Variants in MORC4 observed in about 807,000 individuals in gnomAD.
The protein encoded by MORC4 is MORC family CW-type zinc finger 4.
Under a neutral mutation model 65.5 loss-of-function variants are expected in MORC4, and 22 were observed. That is an observed-to-expected ratio of 0.34 (90% CI 0.24 to 0.48). The LOEUF (loss-of-function observed/expected upper bound fraction) is 0.48. Ranked by LOEUF, MORC4 falls within the 20% of genes least tolerant of loss-of-function variation. The probability of loss-of-function intolerance (pLI) is 0.99; values close to 1 mark genes in which losing one functional copy is unlikely to be tolerated. For synonymous variants in MORC4, 267 were observed against 255.8 expected (o/e 1.04, Z -0.42); for missense variants, 624 against 703.0 (o/e 0.89, Z 1.27).
intron 9 of MORC4, among the ~76,000 whole-genome samples, chrX:106,966,715 G>A (rs1371674173): frequency 2.7e-5 from 3 of 112,902 alleles, no homozygotes; most frequent in African/African-American, 9.6e-5. Flanking sequence ...CCTGGAACAC[G>A]GGAGCTTGGC....
At chrX:106,997,258 A>T (rs761431751) in intron 2 of MORC4, among the ~76,000 whole-genome samples, 1 of 110,686 alleles carries the variant, frequency 9.0e-6, no homozygotes, top group African/African-American at 3.3e-5. Context: ...TATCCTATTT[A>T]CTCTATTTCC....
intron 9 of MORC4, among the ~76,000 whole-genome samples, chrX:106,963,484 TG>T (rs1052251849): frequency 8.9e-6 from 1 of 111,776 alleles, no homozygotes; most frequent in African/African-American, 3.3e-5. Context: ...TAGGAGCCAG[TG>T]TGGGCAAAAA....
chrX:106,967,721 T>C (rs1270725875), intron 9 of MORC4, among the ~76,000 whole-genome samples: 1 of 111,278 alleles, frequency 9.0e-6, no homozygotes, highest in East Asian at 2.8e-4. Flanking sequence ...AAATCAGTGA[T>C]TGAAGATAAA....
At chrX:106,994,128 T>C (rs1286862962) in intron 2 of MORC4, among the ~76,000 whole-genome samples, 2 of 112,738 alleles carry the variant, frequency 1.8e-5, no homozygotes, top group Non-Finnish European at 3.7e-5. Flanking sequence ...GAGTTAATTA[T>C]TTAAGACTCC....
At chrX:106,953,707 T>C (rs1473219358) in intron 14 of MORC4, among the ~76,000 whole-genome samples, 1 of 111,396 alleles carries the variant, frequency 9.0e-6, no homozygotes, top group Non-Finnish European at 1.9e-5. Flanking sequence ...AGGCTGGTCT[T>C]GAACTCAGAA....
intron 5 of MORC4, among the ~76,000 whole-genome samples, chrX:106,984,770 C>T (rs1031810068): frequency 9.1e-6 from 1 of 109,544 alleles, no homozygotes; most frequent in African/African-American, 3.3e-5. Context: ...CCACCGCACC[C>T]GGCCAGAACT....
chrX:106,961,278 C>A (rs1452526004), intron 10 of MORC4, among the ~76,000 whole-genome samples: 1 of 112,203 alleles, frequency 8.9e-6, no homozygotes, highest in Non-Finnish European at 1.9e-5. Flanking sequence ...TATTAAAAAG[C>A]AGATCCAGAT....
chrX:106,942,386 C>T, intron 15 of MORC4, 129 bp downstream of exon 15: 1 of 871,973 alleles, frequency 1.1e-6, no homozygotes, highest in African/African-American at 2.0e-5. Flanking sequence ...CTATCTGAAA[C>T]ACACCACAGA....
chrX:106,960,433 C>A (rs753491731), intron 10 of MORC4, among the ~76,000 whole-genome samples: 1 of 111,777 alleles, frequency 8.9e-6, no homozygotes, highest in South Asian at 3.8e-4. Flanking sequence ...CAGTTAAGAA[C>A]TTAGGTTTAG....
chrX:106,977,259 CTAAG>C (rs903971338), intron 8 of MORC4, among the ~76,000 whole-genome samples: 16 of 111,256 alleles, frequency 1.4e-4, no homozygotes, highest in Non-Finnish European at 7.6e-5. Context: ...ATGGAAGAAA[CTAAG>C]TAAAGGTGTA....
chrX:106,943,343 A>G, intron 14 of MORC4, 138 bp from the exon 15 acceptor site: 2 of 481,711 alleles, frequency 4.2e-6, no homozygotes, highest in Non-Finnish European at 6.9e-6. Context: ...GGTTAGGGAT[A>G]CAACTTTACC....
At chrX:106,982,730 G>A (rs1278973056) in intron 5 of MORC4, among the ~76,000 whole-genome samples, 1 of 111,873 alleles carries the variant, frequency 8.9e-6, no homozygotes, top group African/African-American at 3.3e-5. Context: ...CTCCCAAAGG[G>A]CTGGGATTAG....
Position 106,999,962 on chromosome X carries a change from A to C in MORC4, c.8T>G (p.Leu3Arg). The change falls in exon 1 of 17, where the codon CTG (leucine) becomes CGG (arginine). Residue 3 changes from leucine (L) to arginine (R), a missense_variant. Physicochemically the swap from Leu to Arg is moderately radical, Grantham distance 102. Transcript: ENST00000355610. ML[L>R]YRGAPAGPGA... ...AGGGCCGGCGGGGGCCCCTCGGTAC[A>C]GGAGCATTTTTTTGGCCGCCACGGT... The C allele has an allele frequency of 2.3e-6, 2 of 867,011 alleles. No homozygotes were observed. The highest frequency in any genetic ancestry group is 1.4e-6 in the Non-Finnish European group (1 of 704,173). 71.5% of individuals were successfully genotyped at this position (867,011 alleles called of 1,213,427 possible). A position where few individuals can be genotyped will look rare whatever the true frequency, so the allele number is the denominator to read the frequency against.
Position 106,966,417 on chromosome X carries a change from A to G in MORC4, c.1158-4307T>C, listed in dbSNP as rs183630264. Among the ~76,000 whole-genome samples, 3 of 112,654 alleles carry G rather than the reference A, an allele frequency of 2.7e-5. No individual in the cohort carries two copies. The Admixed American group carries it at 2.8e-4, about 10-fold the overall frequency. On this transcript the variant is annotated intron_variant, in intron 9 of 16. Coordinates refer to ENST00000355610, the MANE Select transcript of MORC4 (RefSeq NM_024657.5). Reference sequence around the variant, plus strand: ...CATTTCCAACTGAGGTACCTGGTTCATCTCATTGGGACTGGTTGAAGAGTG... The same window carrying G: ...CATTTCCAACTGAGGTACCTGGTTCGTCTCATTGGGACTGGTTGAAGAGTG...
At chrX:106,942,359 A>G in intron 15 of MORC4, 138 bp from the exon 16 acceptor site, 1 of 871,679 alleles carries the variant, frequency 1.1e-6, no homozygotes, top group Non-Finnish European at 1.6e-6. Context: ...ATGGGCAGGA[A>G]GCCTACTACA....
chrX:106,951,823 C>A (rs1933975237), intron 14 of MORC4, among the ~76,000 whole-genome samples: 1 of 108,823 alleles, frequency 9.2e-6, no homozygotes, highest in Non-Finnish European at 1.9e-5. Context: ...TGGTGAAACC[C>A]TGTCTCTACT....
intron 14 of MORC4, among the ~76,000 whole-genome samples, chrX:106,947,570 A>G (rs865826190): frequency 1.7e-5 from 1 of 59,366 alleles, no homozygotes; most frequent in Non-Finnish European, 2.9e-5. Context: ...ATATATATAT[A>G]TTATATATAT....
At chrX:106,962,232 C>A in intron 9 of MORC4, 122 bp from the exon 10 acceptor site, 1 of 510,325 alleles carries the variant, frequency 2.0e-6, no homozygotes, top group Non-Finnish European at 3.2e-6. Context: ...TTTTGAACAT[C>A]TACACTTTAA....
chrX:106,963,680 CTCT>C (rs1934305549), intron 9 of MORC4, among the ~76,000 whole-genome samples: 1 of 111,275 alleles, frequency 9.0e-6, no homozygotes, highest in Non-Finnish European at 1.9e-5. Flanking sequence ...CTTTTTCCTC[CTCT>C]ATTTCTCTAT....
Sources: gnomAD v4.1 joint callset for allele counts (sites outside exome capture counted in the v4.1 genomes callset) on GRCh38, gnomAD v4.1.1 for gene constraint, MANE v1.5 for transcripts, NCBI Gene and HGNC (gene_info 2026-07-23, HGNC 2026-07-21) for gene names.